The following SLC25A26 variants were observed in gnomAD, a reference collection of about 807,000 sequenced individuals.
The protein encoded by SLC25A26 is mitochondrial S-adenosylmethionine carrier protein.
SLC25A26 carries 36 observed loss-of-function variants against 37.8 expected under a neutral mutation model. The observed-to-expected ratio is 0.95, with a 90% CI of 0.73 to 1.26. The LOEUF is 1.26. Among genes scored for constraint, SLC25A26 ranks in the 50% most tolerant of loss-of-function variants. SLC25A26 has a pLI of 0.00. For missense variants in SLC25A26, 390 were observed against 331.1 expected (o/e 1.18, Z -1.38); for synonymous variants, 129 against 122.5 (o/e 1.05, Z -0.35).
chr3:66,138,260 A>G (rs1188679622), intron 1 of SLC25A26, among the ~76,000 whole-genome samples: 4 of 152,208 alleles, frequency 2.6e-5, no homozygotes, highest in Non-Finnish European at 5.9e-5. Context: ...TATACATCGT[A>G]TACAATGTAT....
intron 6 of SLC25A26, among the ~76,000 whole-genome samples, chr3:66,359,919 G>T (rs2107796316): frequency 6.6e-6 from 1 of 152,300 alleles, no homozygotes; most frequent in South Asian, 2.1e-4. Context: ...TTTGATAGCT[G>T]CACTCTCAGT....
At chr3:66,348,237 T>C (rs900573862) in intron 6 of SLC25A26, among the ~76,000 whole-genome samples, 1 of 152,186 alleles carries the variant, frequency 6.6e-6, no homozygotes, top group Non-Finnish European at 1.5e-5. Context: ...CTGAAAACTG[T>C]GGGCCATGAT....
rs1237680177 is a variant in SLC25A26 at position 66,346,397 on chromosome 3, G to A, written c.487G>A (p.Glu163Lys). 2.0e-6 allele frequency: 3 copies of A among 1,481,492 alleles called. No individual in the cohort carries two copies. The highest frequency in any genetic ancestry group is 5.0e-5 in the East Asian group (2 of 39,690). 91.8% of individuals were successfully genotyped at this position (1,481,492 alleles called of 1,614,324 possible). A position where few individuals can be genotyped will look rare whatever the true frequency, so the allele number is the denominator to read the frequency against. The stretch of plus-strand genomic sequence containing the variant: ...TTCTTTGGTCCAGTTTCCCTTATGG[G>A]AGTCCTTAAAAGTAAGTTTCTCAGT... The part of the protein sequence containing the change: ...PFSLVQFPLW[E>K]SLKALWSWRQ... The change falls in exon 6 of 10, where the codon GAG becomes AAG. Residue 163 changes from glutamate (E) to lysine (K), a missense_variant. Glu to Lys is a moderately conservative substitution (Grantham distance 56). Transcript: ENST00000354883.
At chr3:66,306,246 C>T (rs2075217320) in intron 5 of SLC25A26, among the ~76,000 whole-genome samples, 2 of 152,222 alleles carry the variant, frequency 1.3e-5, no homozygotes, top group African/African-American at 4.8e-5. Context: ...TCCCAAAGTG[C>T]TAGGATTACA....
chr3:66,303,734 G>A (rs1043873906), intron 5 of SLC25A26, among the ~76,000 whole-genome samples: 2 of 152,146 alleles, frequency 1.3e-5, no homozygotes, highest in African/African-American at 4.8e-5. Context: ...TGATCTCATG[G>A]GTCTCTACAG....
At chr3:66,272,027 A>G (rs1055886878) in intron 5 of SLC25A26, among the ~76,000 whole-genome samples, 20 of 152,298 alleles carry the variant, frequency 1.3e-4, no homozygotes, top group African/African-American at 4.8e-4. Flanking sequence ...AAATCTGAGA[A>G]TACTTCTTAT....
At chr3:66,320,426 TG>T (rs1559696216) in intron 5 of SLC25A26, among the ~76,000 whole-genome samples, 3 of 152,234 alleles carry the variant, frequency 2.0e-5, no homozygotes, top group African/African-American at 7.2e-5. Context: ...TGTTGTAGTT[TG>T]TGTCAGAACC....
chr3:66,269,220 C>G (rs566406226), intron 5 of SLC25A26, among the ~76,000 whole-genome samples: 1 of 152,168 alleles, frequency 6.6e-6, no homozygotes, highest in South Asian at 2.1e-4. Flanking sequence ...CTAGGAGATT[C>G]GGAAATTAAA....
chr3:66,295,794 G>A (rs556094712), intron 5 of SLC25A26, among the ~76,000 whole-genome samples: 20 of 151,348 alleles, frequency 1.3e-4, no homozygotes, highest in Admixed American at 9.2e-4. Context: ...CACCGTGCCC[G>A]GCCATGTGTG....
At chr3:66,192,231 G>A (rs1027299784) in intron 1 of SLC25A26, among the ~76,000 whole-genome samples, 16 of 147,384 alleles carry the variant, frequency 1.1e-4, no homozygotes, top group South Asian at 6.4e-4. Flanking sequence ...CAGGAGAATC[G>A]CTTGCACCTG....
At chr3:66,247,454 G>A (rs2072902310) in intron 3 of SLC25A26, among the ~76,000 whole-genome samples, 1 of 152,000 alleles carries the variant, frequency 6.6e-6, no homozygotes. Flanking sequence ...ACTGTAGGCA[G>A]GTGCCACTAT....
chr3:66,342,364 G>T (rs183808049), intron 5 of SLC25A26, among the ~76,000 whole-genome samples: 1 of 152,096 alleles, frequency 6.6e-6, no homozygotes, highest in Non-Finnish European at 1.5e-5. Flanking sequence ...ACCCGTGGTG[G>T]CATTATGTTC....
intron 6 of SLC25A26, among the ~76,000 whole-genome samples, chr3:66,348,549 A>C (rs1375707773): frequency 2.0e-5 from 3 of 152,204 alleles, no homozygotes; most frequent in Non-Finnish European, 2.9e-5. Flanking sequence ...ATAATTTTAT[A>C]GATTGACTAG....
At chr3:66,239,113 G>A (rs541535830) in intron 2 of SLC25A26, among the ~76,000 whole-genome samples, 2 of 152,086 alleles carry the variant, frequency 1.3e-5, no homozygotes, top group African/African-American at 4.8e-5. Flanking sequence ...TTTCTTTTCT[G>A]GCATTCCTTC....
rs1264203241 is a variant in SLC25A26, at chr3:66,338,851, T to C, written c.454-7513T>C. On this transcript the variant is annotated intron_variant, in intron 5 of 9. Transcript: ENST00000354883. ...ATTAGTTGTTCTTTTATGTCTGGCTTATTTTACCTGGCATGGTGTTTTCAG... is the reference window on the plus strand; with the variant it reads ...ATTAGTTGTTCTTTTATGTCTGGCTCATTTTACCTGGCATGGTGTTTTCAG... 6.6e-5 allele frequency among the ~76,000 whole-genome samples: 10 copies of C among 152,066 alleles called. No homozygotes were observed. The East Asian group carries it at 1.9e-3, about 29-fold the overall frequency.
intron 9 of SLC25A26, among the ~76,000 whole-genome samples, chr3:66,375,621 A>G (rs796097648): frequency 1.3e-5 from 2 of 152,316 alleles, no homozygotes; most frequent in African/African-American, 4.8e-5. Flanking sequence ...ACAAAGCCTG[A>G]GCGACAGCAC....
intron 5 of SLC25A26, among the ~76,000 whole-genome samples, chr3:66,274,219 C>T (rs1360227530): frequency 3.3e-5 from 5 of 151,010 alleles, no homozygotes; most frequent in East Asian, 1.9e-4. Flanking sequence ...GAAACTGGAT[C>T]CCTTCCTTAC....
chr3:66,136,193 C>T (rs1354672878), intron 1 of SLC25A26, among the ~76,000 whole-genome samples: 3 of 152,134 alleles, frequency 2.0e-5, no homozygotes, highest in African/African-American at 7.2e-5. Flanking sequence ...TCAGTGTTCC[C>T]ATCTATATAT....
intron 5 of SLC25A26, among the ~76,000 whole-genome samples, chr3:66,327,305 A>G (rs758205378): frequency 6.6e-6 from 1 of 152,214 alleles, no homozygotes; most frequent in Non-Finnish European, 1.5e-5. Context: ...AATATTCAAA[A>G]TAATGTTTTT....
Sources: gnomAD v4.1 joint callset for allele counts (sites outside exome capture counted in the v4.1 genomes callset) on GRCh38, gnomAD v4.1.1 for gene constraint, MANE v1.5 for transcripts, NCBI Gene and HGNC (gene_info 2026-07-23, HGNC 2026-07-21) for gene names.